The following NRXN3 variants were observed in gnomAD, a reference collection of about 807,000 sequenced individuals.
NRXN3 encodes neurexin 3, also known as neurexin III.
A neutral mutation model predicts 137.6 loss-of-function variants in NRXN3; 32 were observed. That is an observed-to-expected ratio of 0.23 (90% confidence interval 0.18 to 0.31). The LOEUF (loss-of-function observed/expected upper bound fraction) is 0.31, where lower values mean the gene tolerates loss of function less well. Ranked by LOEUF, NRXN3 falls within the 10% of genes least tolerant of loss-of-function variation. The pLI is 1.00. For missense variants in NRXN3, 1,574 were observed against 2,062.5 expected (o/e 0.76, Z 4.59); for synonymous variants, 798 against 784.5 (o/e 1.02, Z -0.29).
At chr14:79,824,332 A>G (rs1028003949) in intron 20 of NRXN3, among the ~76,000 whole-genome samples, 2 of 152,186 alleles carry the variant, frequency 1.3e-5, no homozygotes, top group Non-Finnish European at 2.9e-5. Flanking sequence ...GAATTAAAAC[A>G]TTTGATTACC....
At chr14:78,897,205 G>A (rs752030706) in intron 10 of NRXN3, among the ~76,000 whole-genome samples, 51 of 151,904 alleles carry the variant, frequency 3.4e-4, no homozygotes, top group South Asian at 6.2e-4. Context: ...TGTTTGTGCC[G>A]TGATGGGCCA....
chr14:78,891,553 T>A (rs1214338779), intron 10 of NRXN3, among the ~76,000 whole-genome samples: 1 of 151,936 alleles, frequency 6.6e-6, no homozygotes, highest in East Asian at 1.9e-4. Flanking sequence ...TGAGGCAATA[T>A]ATTACATGGG....
rs150598884 is a variant in NRXN3, at chr14:79,443,164, A to C, written c.3263-24057A>C. ...TACAATATAGGTGTTAGAACAGCAG[A>C]GACCCTTAGAGTTCATGTATTTGAC... On this transcript the variant is annotated intron_variant, in intron 15 of 20. Transcript: ENST00000335750. Among the ~76,000 whole-genome samples the C allele has an allele frequency of 4.6e-3, 708 of 152,356 alleles. 2 individuals carry two copies. Among genetic ancestry groups the C allele is most frequent in the Middle Eastern group, 0.02 (6 of 294 alleles).
intron 16 of NRXN3, among the ~76,000 whole-genome samples, chr14:79,485,367 T>C (rs777485569): frequency 6.6e-6 from 1 of 152,200 alleles, no homozygotes; most frequent in Non-Finnish European, 1.5e-5. Flanking sequence ...CCTGACAATT[T>C]CAGCTAAATT....
chr14:79,849,703 C>T (rs1249151377), intron 20 of NRXN3, among the ~76,000 whole-genome samples: 1 of 152,094 alleles, frequency 6.6e-6, no homozygotes, highest in East Asian at 1.9e-4. Flanking sequence ...ATGGAAGTTC[C>T]TAAATTAAAA....
At chr14:78,552,298 C>T (rs1449233943) in intron 4 of NRXN3, among the ~76,000 whole-genome samples, 3 of 152,192 alleles carry the variant, frequency 2.0e-5, no homozygotes, top group Non-Finnish European at 4.4e-5. Flanking sequence ...TTTCTTCCTT[C>T]CTTTTGAGTA....
chr14:79,494,248 A>T (rs2096744763), intron 16 of NRXN3, among the ~76,000 whole-genome samples: 1 of 152,182 alleles, frequency 6.6e-6, no homozygotes, highest in South Asian at 2.1e-4. Flanking sequence ...CATAAAAATG[A>T]ATAATCACTG....
At chr14:79,427,932 G>A (rs1460694783) in intron 15 of NRXN3, among the ~76,000 whole-genome samples, 1 of 152,180 alleles carries the variant, frequency 6.6e-6, no homozygotes, top group African/African-American at 2.4e-5. Context: ...TGGCCTGAGT[G>A]CTACATCGAG....
intron 10 of NRXN3, among the ~76,000 whole-genome samples, chr14:78,858,010 A>G (rs1457788837): frequency 6.6e-6 from 1 of 152,196 alleles, no homozygotes; most frequent in African/African-American, 2.4e-5. Context: ...ACAGATAGGA[A>G]GTAGAATGCT....
intron 16 of NRXN3, among the ~76,000 whole-genome samples, chr14:79,608,065 GTCAACATCTGGTTTTATTGATAAATA>G (rs1427219424): frequency 6.6e-6 from 1 of 152,178 alleles, no homozygotes; most frequent in Non-Finnish European, 1.5e-5. Flanking sequence ...TTATAAAGCT[GTCAACATCTGGTTTTATTGATAAATA>G]TCCCTGGGGT....
At chr14:78,391,589 C>A (rs970455748) in intron 4 of NRXN3, among the ~76,000 whole-genome samples, 27 of 152,046 alleles carry the variant, frequency 1.8e-4, no homozygotes, top group African/African-American at 6.3e-4. Context: ...CTGGAATGAC[C>A]TTTTATGCAC....
chr14:78,311,496 C>G (rs1046109741), intron 4 of NRXN3, among the ~76,000 whole-genome samples: 3 of 152,184 alleles, frequency 2.0e-5, no homozygotes, highest in Non-Finnish European at 4.4e-5. Flanking sequence ...CAATCCAACA[C>G]AAATTCTTAA....
chr14:78,857,163 T>C (rs1229844649), intron 10 of NRXN3, among the ~76,000 whole-genome samples: 1 of 152,114 alleles, frequency 6.6e-6, no homozygotes. Context: ...ATATATGAAT[T>C]GTTTTTTTTT....
At chr14:78,894,150 C>CT (rs2099167078) in intron 10 of NRXN3, among the ~76,000 whole-genome samples, 1 of 151,884 alleles carries the variant, frequency 6.6e-6, no homozygotes, top group Non-Finnish European at 1.5e-5. Context: ...ATGAAGTTTG[C>CT]TTTATCAATT....
rs2099417188 is a variant in NRXN3 at position 79,864,653 on chromosome 14, G to A, written c.*2689G>A. 1 of 152,186 alleles carries A rather than the reference G, an allele frequency of 6.6e-6. No individual in the cohort carries two copies. 9.4% of individuals were successfully genotyped at this position (152,186 alleles called of 1,614,324 possible). ...GCTATGATAGAATAACCAGGAGGGA[G>A]TGCATTTTTCTGGAAAGATGATAGA... On this transcript the variant is annotated 3_prime_UTR_variant, in exon 21 of 21. Transcript: ENST00000335750.
At chr14:79,060,017 A>T (rs2099672251) in intron 15 of NRXN3, among the ~76,000 whole-genome samples, 1 of 152,202 alleles carries the variant, frequency 6.6e-6, no homozygotes, top group Non-Finnish European at 1.5e-5. Flanking sequence ...GGGTGAACCC[A>T]CAGATTTCAC....
At chr14:78,603,577 A>G (rs754879706) in intron 4 of NRXN3, among the ~76,000 whole-genome samples, 2 of 152,224 alleles carry the variant, frequency 1.3e-5, no homozygotes, top group East Asian at 3.8e-4. Flanking sequence ...AAACTTAATT[A>G]TATTTCTTGA....
chr14:78,524,974 C>T (rs778446763), intron 4 of NRXN3, among the ~76,000 whole-genome samples: 37 of 152,258 alleles, frequency 2.4e-4, no homozygotes, highest in Middle Eastern at 3.4e-3. Flanking sequence ...GTAGCTAATC[C>T]GCTCGGCATA....
At chr14:78,480,033 A>T (rs910171147) in intron 4 of NRXN3, among the ~76,000 whole-genome samples, 4 of 152,156 alleles carry the variant, frequency 2.6e-5, no homozygotes, top group Admixed American at 6.5e-5. Flanking sequence ...CCAGCTGCTC[A>T]GGAGGCTGAG....
Sources: gnomAD v4.1 joint callset for allele counts (sites outside exome capture counted in the v4.1 genomes callset) on GRCh38, gnomAD v4.1.1 for gene constraint, MANE v1.5 for transcripts, NCBI Gene and HGNC (gene_info 2026-07-23, HGNC 2026-07-21) for gene names.